SEPTIN3: variants seen among roughly 807,000 people sequenced by gnomAD.
SEPTIN3 encodes the protein neuronal-specific septin-3.
A neutral mutation model predicts 45.1 loss-of-function variants in SEPTIN3; 15 were observed. That is an observed-to-expected ratio of 0.33 (90% CI 0.22 to 0.51). The LOEUF (loss-of-function observed/expected upper bound fraction) is 0.51, where lower values mean the gene tolerates loss of function less well. SEPTIN3 is among the 20% of genes least tolerant of loss of function. The probability of loss-of-function intolerance (pLI) is 0.97; values close to 1 mark genes in which losing one functional copy is unlikely to be tolerated. For synonymous variants in SEPTIN3, 148 were observed against 164.8 expected (o/e 0.90, Z 0.78); for missense variants, 289 against 457.2 (o/e 0.63, Z 3.35).
Position 41,972,092 on chromosome 22 carries a change from C to T in SEPTIN3, c.600C>T (p.Ala200=), listed in dbSNP as rs979863425. ...YLALPFQSRL[A]QSAPVLAEPG... is the part of the protein sequence containing the mutation. ...CCTTACCTTTCCAATCCCGGTTAGCCCAGAGTGCACCAGTCCTTGCAGAGC... is the reference window on the plus strand; with the variant it reads ...CCTTACCTTTCCAATCCCGGTTAGCTCAGAGTGCACCAGTCCTTGCAGAGC... Residue 200 remains alanine, a synonymous_variant, in exon 2 of 12, where the codon GCC becomes GCT. Transcript: ENST00000644076. 2 of 398,976 alleles carry T rather than the reference C, an allele frequency of 5.0e-6. No individual in the cohort carries two copies. Among genetic ancestry groups the T allele is most frequent in the African/African-American group, 4.1e-5 (2 of 48,626 alleles). The allele number at this position is 398,976 out of a possible 1,614,324, so 24.7% of individuals were successfully genotyped here.
intron 11 of SEPTIN3, chr22:41,995,216 A>AG: frequency 6.0e-6 from 6 of 999,342 alleles, no homozygotes; most frequent in Non-Finnish European, 7.2e-6. Context: ...AGACCTGAGT[A>AG]GGGGGCAGGG....
In SEPTIN3 at chr22:41,994,757, C is replaced by T. The variant is rs373233077; in HGVS notation, c.2505+43C>T. ...GGAAAGCCACGACAGTAACCCATGA[C>T]GACCACTTCTCTGTGTCATCACACA... is the stretch of plus-strand genomic sequence containing the variant. On this transcript the variant is annotated intron_variant, in intron 11 of 11. Coordinates refer to ENST00000644076, the MANE Select transcript of SEPTIN3 (RefSeq NM_001363845.2). This position sits in a 1 kb window ranked among gnomAD's most constrained non-coding sequence, Gnocchi z 4.2. The T allele has an allele frequency of 1.6e-5, 26 of 1,613,894 alleles. No individual in the cohort carries two copies. The highest frequency in any genetic ancestry group is 1.0e-4 in the Admixed American group (6 of 60,006).
rs202024452 is a variant in SEPTIN3 at position 41,989,697 on chromosome 22, C to G, written c.2163+13C>G. ...ATTCAAGCAAAGGGTGAGAAGGCCC[C>G]CTGTCTTCTTTTCCTGTTCCCATCC... On this transcript the variant is annotated intron_variant, in intron 7 of 11. Transcript: ENST00000644076. The G allele has an allele frequency of 2.4e-5, 37 of 1,522,034 alleles. No individual in the cohort carries two copies. Among genetic ancestry groups the G allele is most frequent in the Non-Finnish European group, 3.1e-5 (34 of 1,096,390 alleles). The allele number at this position is 1,522,034 out of a possible 1,614,324, so 94.3% of individuals were successfully genotyped here. A position where few individuals can be genotyped will look rare whatever the true frequency, so the allele number is the denominator to read the frequency against.
rs980460000 is a variant in SEPTIN3, at chr22:41,994,879, T to TTG, written c.2505+167_2505+168dup. 6.9e-7 allele frequency: 1 copy of TTG among 1,442,540 alleles called. No homozygotes were observed. The highest frequency in any genetic ancestry group is 3.3e-5 in the East Asian group (1 of 30,028). 89.4% of individuals were successfully genotyped at this position (1,442,540 alleles called of 1,614,324 possible). A position where few individuals can be genotyped will look rare whatever the true frequency, so the allele number is the denominator to read the frequency against. ...GCCTGTCTGGTATTTGTGGAGCATC[T>TTG]TGTCTGTGTGTGTGTGTGTGTGTGT... On this transcript the variant is annotated intron_variant, in intron 11 of 11. Transcript: ENST00000644076. This position sits in a 1 kb window ranked among gnomAD's most constrained non-coding sequence, Gnocchi z 4.2.
rs966000658 is a variant in SEPTIN3, at chr22:41,994,058, T to C, written c.2360-232T>C. On this transcript the variant is annotated intron_variant, in intron 9 of 11. Transcript: ENST00000644076. This position sits in a 1 kb window ranked among gnomAD's most constrained non-coding sequence, Gnocchi z 4.2. ...TAAAAATTATAGTCCCTCTTGGCTATTATGCCACAGCGTCTAGAAGGATGT... is the reference window on the plus strand; with the variant it reads ...TAAAAATTATAGTCCCTCTTGGCTACTATGCCACAGCGTCTAGAAGGATGT... Among the ~76,000 whole-genome samples the C allele has an allele frequency of 5.3e-5, 8 of 152,220 alleles. No homozygotes were observed. Among genetic ancestry groups the C allele is most frequent in the Non-Finnish European group, 1.2e-4 (8 of 68,046 alleles).
intron 2 of SEPTIN3, among the ~76,000 whole-genome samples, chr22:41,978,724 C>G (rs2078070619): frequency 6.6e-6 from 1 of 152,176 alleles, no homozygotes; most frequent in South Asian, 2.1e-4. Flanking sequence ...TAGGGCTTGG[C>G]TGGTGTAGAC....
chr22:41,994,524 C>T lies in SEPTIN3; in HGVS notation c.2412-97C>T, dbSNP rs1432141056. The stretch of plus-strand genomic sequence containing the variant: ...AATCCTTAGCTCCTGGGAGTGGTTC[C>T]CATTCACTGGGTCCAGTCCCTCGAA... On this transcript the variant is annotated intron_variant, in intron 10 of 11. Coordinates refer to ENST00000644076, the MANE Select transcript of SEPTIN3 (RefSeq NM_001363845.2). The surrounding 1 kb of genome is among the most constrained non-coding windows in gnomAD (Gnocchi z 4.2). The T allele has an allele frequency of 1.9e-6, 3 of 1,580,762 alleles. No homozygotes were observed. The highest frequency in any genetic ancestry group is 1.3e-5 in the African/African-American group (1 of 74,146).
intron 2 of SEPTIN3, among the ~76,000 whole-genome samples, chr22:41,973,639 C>T (rs2077983099): frequency 6.6e-6 from 1 of 151,654 alleles, no homozygotes; most frequent in Non-Finnish European, 1.5e-5. Flanking sequence ...TGCCACTGCA[C>T]TCCAGCCTGG....
chr22:41,992,012 C>A (rs1383343151), intron 8 of SEPTIN3, among the ~76,000 whole-genome samples: 2 of 152,130 alleles, frequency 1.3e-5, no homozygotes, highest in East Asian at 3.8e-4. Flanking sequence ...TCAGACCCTG[C>A]CTTAGTTTCC....
At chr22:41,988,710 C>T (rs1307628661) in intron 6 of SEPTIN3, among the ~76,000 whole-genome samples, 1 of 152,064 alleles carries the variant, frequency 6.6e-6, no homozygotes, top group Non-Finnish European at 1.5e-5. Flanking sequence ...GTCTCAGAGC[C>T]TGAGGTAGGA....
chr22:41,969,703 T>G (rs1602406964), intron 1 of SEPTIN3, 26 bp downstream of exon 1: 7 of 26,206 alleles, frequency 2.7e-4, no homozygotes, highest in South Asian at 1.3e-3. Flanking sequence ...GGTGGAAGGG[T>G]GTGGGGGTTT....
chr22:41,985,926 A>G, intron 3 of SEPTIN3, 58 bp from the exon 4 acceptor site: 1 of 1,534,702 alleles, frequency 6.5e-7, no homozygotes, highest in Non-Finnish European at 8.8e-7. Flanking sequence ...ATGGAGAAAT[A>G]TTAGGCTCAG....
At chr22:41,981,394 C>CAGATGTGGGCTTCAG in intron 2 of SEPTIN3, 1 of 446,384 alleles carries the variant, frequency 2.2e-6, no homozygotes, top group Non-Finnish European at 4.0e-6. Flanking sequence ...TGAAAGTGCC[C>CAGATGTGGGCTTCAG]AGCAACCAGA....
At chr22:41,974,987 T>A (rs5751191) in intron 2 of SEPTIN3, among the ~76,000 whole-genome samples, 1 of 151,622 alleles carries the variant, frequency 6.6e-6, no homozygotes, top group Non-Finnish European at 1.5e-5. Flanking sequence ...GGATGTGAGA[T>A]AATGACCTCA....
intron 2 of SEPTIN3, among the ~76,000 whole-genome samples, chr22:41,978,874 T>C (rs1657948706): frequency 7.7e-6 from 1 of 130,568 alleles, no homozygotes; most frequent in Non-Finnish European, 1.6e-5. Flanking sequence ...TTCCTGGGAG[T>C]AGCAGTGGGG....
chr22:41,990,290 G>A (rs1168599952), intron 7 of SEPTIN3, among the ~76,000 whole-genome samples: 1 of 151,294 alleles, frequency 6.6e-6, no homozygotes, highest in East Asian at 2.0e-4. Flanking sequence ...TCCTGACCTC[G>A]TGATCTGCCC....
chr22:41,988,203 A>C (rs2146706847), intron 6 of SEPTIN3, among the ~76,000 whole-genome samples: 1 of 152,228 alleles, frequency 6.6e-6, no homozygotes, highest in South Asian at 2.1e-4. Context: ...ACCCAGTTGT[A>C]GGCATTTAGA....
chr22:41,990,934 T>C (rs1298823218), intron 7 of SEPTIN3, among the ~76,000 whole-genome samples: 1 of 149,070 alleles, frequency 6.7e-6, no homozygotes, highest in Admixed American at 6.7e-5. Context: ...CGTGGTGGCA[T>C]ATGCCTGTAA....
Position 41,997,407 on chromosome 22 carries a change from G to T in SEPTIN3, c.*440G>T, listed in dbSNP as rs1371147448. The T allele has an allele frequency of 1.2e-5, 2 of 161,564 alleles. No individual in the cohort carries two copies. Among genetic ancestry groups the T allele is most frequent in the African/African-American group, 2.4e-5 (1 of 41,662 alleles). 10.0% of individuals were successfully genotyped at this position (161,564 alleles called of 1,614,324 possible). On this transcript the variant is annotated 3_prime_UTR_variant, in exon 12 of 12. Coordinates refer to ENST00000644076, the MANE Select transcript of SEPTIN3 (RefSeq NM_001363845.2). ...TACTAGATTCATTGAGATCAGCTGT[G>T]TGAGCCCCAAAGTGGGACAAGGGTG...
Sources: gnomAD v4.1 joint callset for allele counts (sites outside exome capture counted in the v4.1 genomes callset) on GRCh38, gnomAD v4.1.1 for gene constraint, Gnocchi (gnomAD v3.1) non-coding constraint, MANE v1.5 for transcripts, NCBI Gene and HGNC (gene_info 2026-07-23, HGNC 2026-07-21) for gene names.